The following COL4A5 variants were observed in gnomAD, a reference collection of about 807,000 sequenced individuals.
The protein encoded by COL4A5 is collagen type IV alpha 5 chain, also known as collagen alpha-5(IV) chain.
Under a neutral mutation model 130.2 loss-of-function variants are expected in COL4A5, and 26 were observed. That is an observed-to-expected ratio of 0.20 (90% CI 0.15 to 0.28). The LOEUF is 0.28. COL4A5 is among the 10% of genes least tolerant of loss of function. The pLI, the probability that COL4A5 is intolerant of heterozygous loss-of-function variation, is 1.00. For synonymous variants in COL4A5, 496 were observed against 439.6 expected (o/e 1.13, Z -1.60); for missense variants, 1,131 against 1,344.3 (o/e 0.84, Z 2.48).
At chrX:108,574,450 C>T (rs1266954033) in intron 9 of COL4A5, among the ~76,000 whole-genome samples, 1 of 111,426 alleles carries the variant, frequency 9.0e-6, no homozygotes, top group Non-Finnish European at 1.9e-5. Context: ...AAGTGAACAA[C>T]ATTTAAGAGC....
At chrX:108,591,981 A>G (rs993946129) in intron 21 of COL4A5, among the ~76,000 whole-genome samples, 3 of 111,416 alleles carry the variant, frequency 2.7e-5, no homozygotes, top group Non-Finnish European at 5.7e-5. Context: ...ACTGTAATCA[A>G]TTCCATTCAT....
chrX:108,667,144 T>C lies in COL4A5; in HGVS notation c.3565T>C (p.Phe1189Leu). 8.3e-7 allele frequency: 1 copy of C among 1,211,451 alleles called. No individual in the cohort carries two copies. The highest frequency in any genetic ancestry group is 1.8e-5 in the South Asian group (1 of 57,004). ...GQKGEPGQPG[F>L]GNPGPPGLPG... The stretch of plus-strand genomic sequence containing the variant: ...TTGTACTCTGACAGGTCAACCAGGC[T>C]TTGGAAACCCAGGACCCCCTGGACT... Residue 1189 changes from phenylalanine to leucine, a missense_variant, in exon 40 of 53, where the codon TTT (phenylalanine) becomes CTT (leucine). Phe to Leu is a conservative substitution (Grantham distance 22, BLOSUM62 0). Transcript: ENST00000328300.
At chrX:108,448,354 A>G in intron 1 of COL4A5, among the ~76,000 whole-genome samples, 1 of 112,653 alleles carries the variant, frequency 8.9e-6, no homozygotes. Flanking sequence ...TAAGACTTCA[A>G]GAAATTCTGT....
At chrX:108,689,980 CATT>C in intron 49 of COL4A5, 1 of 751,928 alleles carries the variant, frequency 1.3e-6, no homozygotes, top group African/African-American at 2.3e-5. Context: ...ATACTTCCAT[CATT>C]ATGGGCCTTC....
At chrX:108,568,587 A>G in intron 4 of COL4A5, 42 bp from the exon 5 acceptor site, 3 of 931,142 alleles carry the variant, frequency 3.2e-6, no homozygotes, top group Middle Eastern at 3.9e-4. Flanking sequence ...TTTTATTTTT[A>G]TGGGTTGTCA....
intron 37 of COL4A5, among the ~76,000 whole-genome samples, chrX:108,659,268 T>C (rs776637390): frequency 9.0e-6 from 1 of 111,455 alleles, no homozygotes; most frequent in Non-Finnish European, 1.9e-5. Flanking sequence ...ACATATTTTG[T>C]ATGATTTAAC....
At chrX:108,685,980 A>C in intron 47 of COL4A5, 51 bp from the exon 48 acceptor site, 1 of 1,014,351 alleles carries the variant, frequency 9.9e-7, no homozygotes, top group Non-Finnish European at 1.4e-6. Flanking sequence ...AGATCTGTCC[A>C]GATGTGAAAA....
intron 9 of COL4A5, 84 bp from the exon 10 acceptor site, chrX:108,575,826 A>G: frequency 1.5e-6 from 1 of 666,343 alleles, no homozygotes; most frequent in South Asian, 2.3e-5. Context: ...GACACAAGTG[A>G]GACTTTGTGT....
At chrX:108,442,749 A>G (rs994400699) in intron 1 of COL4A5, 8 of 111,390 alleles carry the variant, frequency 7.2e-5, no homozygotes, top group Non-Finnish European at 1.1e-4. Context: ...ACTTGTCATC[A>G]TTGTCATCAT....
At chrX:108,518,896 A>G (rs1332493831) in intron 1 of COL4A5, among the ~76,000 whole-genome samples, 1 of 111,516 alleles carries the variant, frequency 9.0e-6, no homozygotes. Flanking sequence ...TTTCATCTTC[A>G]TAGGAAATCT....
intron 1 of COL4A5, among the ~76,000 whole-genome samples, chrX:108,528,964 A>T (rs772588954): frequency 1.8e-4 from 20 of 111,921 alleles, no homozygotes; most frequent in African/African-American, 6.2e-4. Flanking sequence ...AGGCTCAGTG[A>T]TCCCTAGGTA....
chrX:108,666,101 A>T (rs767593265), intron 38 of COL4A5, among the ~76,000 whole-genome samples: 1 of 110,571 alleles, frequency 9.0e-6, no homozygotes, highest in South Asian at 3.8e-4. Flanking sequence ...TTCTAGGCCC[A>T]CTTTTTCCAG....
intron 36 of COL4A5, among the ~76,000 whole-genome samples, chrX:108,639,448 C>T (rs189222472): frequency 3.6e-5 from 4 of 111,232 alleles, no homozygotes; most frequent in Non-Finnish European, 5.7e-5. Context: ...CATGGGACAA[C>T]ATGCCTCATG....
intron 6 of COL4A5, 152 bp downstream of exon 6, chrX:108,568,973 A>G: frequency 2.2e-6 from 1 of 460,472 alleles, no homozygotes; most frequent in Admixed American, 3.9e-5. Flanking sequence ...AATTTTCTAT[A>G]TATTGAACTA....
chrX:108,440,118 G>A lies in COL4A5; in HGVS notation c.-8G>A, dbSNP rs1256808569. 1 of 1,203,418 alleles carries A rather than the reference G, an allele frequency of 8.3e-7. No homozygotes were observed. The highest frequency in any genetic ancestry group is 2.2e-5 in the Admixed American group (1 of 45,806). On this transcript the variant is annotated 5_prime_UTR_variant, in exon 1 of 53. Coordinates refer to ENST00000328300, the MANE Select transcript of COL4A5 (RefSeq NM_033380.3). ...GGGTGCTGAAGGAGCTGCGGGAGCC[G>A]GAGAAGAATGAAACTGCGTGGAGTC...
intron 2 of COL4A5, among the ~76,000 whole-genome samples, chrX:108,558,708 C>T (rs2065862586): frequency 9.0e-6 from 1 of 111,089 alleles, no homozygotes; most frequent in African/African-American, 3.3e-5. Context: ...TCCTTTTACC[C>T]TTCCCTGCTC....
Position 108,601,490 on chromosome X carries a change from G to C in COL4A5, c.2041+5G>C. The C allele has an allele frequency of 9.0e-7, 1 of 1,105,297 alleles. No homozygotes were observed. Among genetic ancestry groups the C allele is most frequent in the Non-Finnish European group, 1.2e-6 (1 of 805,533 alleles). The allele number at this position is 1,105,297 out of a possible 1,213,427, so 91.1% of individuals were successfully genotyped here. ...ATGGTGATGTAGGTCTTCCAGGTATGTGAGGAATTTATTTCAAAGTAACTT... is the reference window on the plus strand; with the variant it reads ...ATGGTGATGTAGGTCTTCCAGGTATCTGAGGAATTTATTTCAAAGTAACTT... On this transcript the variant is annotated splice_donor_5th_base_variant and intron_variant, in intron 26 of 52. Transcript: ENST00000328300.
chrX:108,570,178 A>T (rs2066041075), intron 6 of COL4A5, among the ~76,000 whole-genome samples: 1 of 111,698 alleles, frequency 9.0e-6, no homozygotes, highest in Admixed American at 9.5e-5. Flanking sequence ...TTTTTAAAAA[A>T]AATTTTGGAT....
intron 1 of COL4A5, among the ~76,000 whole-genome samples, chrX:108,507,795 G>A (rs997613477): frequency 6.3e-5 from 7 of 111,664 alleles, no homozygotes; most frequent in East Asian, 2.8e-4. Flanking sequence ...GCGACAGAGC[G>A]AGACTCCATC....
Sources: allele counts gnomAD v4.1 joint callset (sites outside exome capture counted in the v4.1 genomes callset), GRCh38; gene constraint gnomAD v4.1.1; transcripts MANE v1.5; gene names NCBI Gene and HGNC (gene_info 2026-07-23, HGNC 2026-07-21).